Variants in SAMTOR observed in about 807,000 individuals in gnomAD.
The protein encoded by SAMTOR is UPF0532 protein C7orf60.
chr7:112,930,440 TG>T, the SAMTOR span, among the ~76,000 whole-genome samples: 1 of 150,876 alleles, frequency 6.6e-6, no homozygotes, highest in Non-Finnish European at 1.5e-5. Flanking sequence ...TTCTCTAATG[TG>T]GGAAGAAAAC....
At chr7:112,861,552 T>C in the SAMTOR span, among the ~76,000 whole-genome samples, 2 of 152,218 alleles carry the variant, frequency 1.3e-5, no homozygotes, top group Admixed American at 6.5e-5. Flanking sequence ...ACAATAAATA[T>C]GGCTGTTTTT....
the SAMTOR span, among the ~76,000 whole-genome samples, chr7:112,890,808 A>G: frequency 1.3e-5 from 2 of 151,742 alleles, no homozygotes; most frequent in African/African-American, 2.4e-5. Flanking sequence ...CTTTCGCTTT[A>G]GCCTCCCGAG....
chr7:112,839,773 CATT>C, the SAMTOR span, among the ~76,000 whole-genome samples: 2 of 151,732 alleles, frequency 1.3e-5, no homozygotes, highest in African/African-American at 4.8e-5. Flanking sequence ...TAATAAATTT[CATT>C]ATTTATTCAA....
At chr7:112,876,146 AG>A in the SAMTOR span, among the ~76,000 whole-genome samples, 3 of 152,146 alleles carry the variant, frequency 2.0e-5, no homozygotes, top group African/African-American at 7.2e-5. Context: ...TCTTTTTTAA[AG>A]GTGAGGTTTT....
the SAMTOR span, among the ~76,000 whole-genome samples, chr7:112,852,918 G>C: frequency 6.6e-6 from 1 of 151,812 alleles, no homozygotes; most frequent in African/African-American, 2.4e-5. Flanking sequence ...AATCAAGAGT[G>C]TAAAGAGACT....
At chr7:112,906,457 G>A in the SAMTOR span, among the ~76,000 whole-genome samples, 74 of 152,152 alleles carry the variant, frequency 4.9e-4, no homozygotes, top group Non-Finnish European at 8.8e-4. Context: ...AAATACCTAG[G>A]AGTAAGCACA....
the SAMTOR span, among the ~76,000 whole-genome samples, chr7:112,840,945 A>G: frequency 6.6e-6 from 1 of 152,096 alleles, no homozygotes; most frequent in African/African-American, 2.4e-5. Context: ...AAATCATAAG[A>G]GCTATTTATG....
chr7:112,833,183 T>G, the SAMTOR span, among the ~76,000 whole-genome samples: 1 of 152,216 alleles, frequency 6.6e-6, no homozygotes, highest in Admixed American at 6.5e-5. Flanking sequence ...ATTCAGGCTG[T>G]TGCAACATCA....
At chr7:112,920,589 G>T in the SAMTOR span, among the ~76,000 whole-genome samples, 3 of 148,886 alleles carry the variant, frequency 2.0e-5, no homozygotes, top group African/African-American at 7.5e-5. Context: ...AGTGTTGGAA[G>T]TTCTGGCCAG....
At chr7:112,904,208 G>A in the SAMTOR span, among the ~76,000 whole-genome samples, 1 of 152,044 alleles carries the variant, frequency 6.6e-6, no homozygotes, top group African/African-American at 2.4e-5. Flanking sequence ...CTTATTGCTA[G>A]AAGATGAACT....
the SAMTOR span, among the ~76,000 whole-genome samples, chr7:112,928,820 ATTTTGTG>A: frequency 9.2e-5 from 14 of 152,008 alleles, no homozygotes; most frequent in East Asian, 2.5e-3. Context: ...AGGCTTTTTC[ATTTTGTG>A]TTATTGTCAA....
chr7:112,825,654 T>G, the SAMTOR span, among the ~76,000 whole-genome samples: 1 of 152,216 alleles, frequency 6.6e-6, no homozygotes, highest in Non-Finnish European at 1.5e-5. Flanking sequence ...CTTTCCAATG[T>G]GCATGCTGCT....
the SAMTOR span, among the ~76,000 whole-genome samples, chr7:112,883,414 T>C: frequency 6.6e-6 from 1 of 152,220 alleles, no homozygotes; most frequent in Non-Finnish European, 1.5e-5. Flanking sequence ...AGAACTCAAA[T>C]TGGTAAATAC....
chr7:112,831,609 G>A, the SAMTOR span, among the ~76,000 whole-genome samples: 4 of 152,078 alleles, frequency 2.6e-5, no homozygotes, highest in African/African-American at 7.2e-5. Flanking sequence ...GAGTGATCAT[G>A]CCACTGCACT....
At chr7:112,884,963 T>C in the SAMTOR span, among the ~76,000 whole-genome samples, 12 of 152,210 alleles carry the variant, frequency 7.9e-5, no homozygotes, top group Non-Finnish European at 1.5e-4. Context: ...TCCTCTGAAA[T>C]CTAGGCAGAG....
chr7:112,877,056 T>C, the SAMTOR span, among the ~76,000 whole-genome samples: 201 of 152,322 alleles, frequency 1.3e-3, no homozygotes, highest in Non-Finnish European at 2.4e-3. Context: ...CACTGGACTA[T>C]GAGATCACTG....
chr7:112,863,815 A>G, the SAMTOR span, among the ~76,000 whole-genome samples: 8 of 152,228 alleles, frequency 5.3e-5, no homozygotes, highest in Admixed American at 2.0e-4. Flanking sequence ...TCCTGGTGGG[A>G]GCGTAAACTA....
At chr7:112,870,068 T>C in the SAMTOR span, among the ~76,000 whole-genome samples, 1 of 152,122 alleles carries the variant, frequency 6.6e-6, no homozygotes. Context: ...AGCGATCAAA[T>C]CTACAACTTA....
the SAMTOR span, among the ~76,000 whole-genome samples, chr7:112,882,890 T>G: frequency 1.3e-5 from 2 of 151,644 alleles, no homozygotes. Context: ...ATGTGAAAAC[T>G]GAACAGAAAT....
Sources: gnomAD v4.1 joint callset for allele counts (sites outside exome capture counted in the v4.1 genomes callset) on GRCh38, gnomAD v4.1.1 for gene constraint, MANE v1.5 for transcripts, NCBI Gene and HGNC (gene_info 2026-07-23, HGNC 2026-07-21) for gene names.